The following EML5 variants were observed in gnomAD, a reference collection of about 807,000 sequenced individuals.
The protein encoded by EML5 is EMAP like 5.
Under a neutral mutation model 250.0 loss-of-function variants are expected in EML5, and 120 were observed. The observed-to-expected ratio is 0.48, with a 90% CI of 0.41 to 0.56. The LOEUF (loss-of-function observed/expected upper bound fraction) is 0.56. Among genes scored for constraint, EML5 ranks in the 20% least tolerant of loss-of-function variants. The pLI is 0.00. For synonymous variants in EML5, 771 were observed against 806.5 expected (o/e 0.96, Z 0.75); for missense variants, 2,006 against 2,437.6 (o/e 0.82, Z 3.73).
At chr14:88,622,861 C>A in intron 36 of EML5, 143 bp from the exon 37 acceptor site, 1 of 511,472 alleles carries the variant, frequency 2.0e-6, no homozygotes, top group South Asian at 4.4e-5. Context: ...TTCTTGTAAA[C>A]TTTCTATGGC....
At chr14:88,635,527 A>G (rs1175356062) in intron 32 of EML5, among the ~76,000 whole-genome samples, 1 of 152,194 alleles carries the variant, frequency 6.6e-6, no homozygotes, top group East Asian at 1.9e-4. Flanking sequence ...ATCGGCCTAA[A>G]TATTTTAAAG....
chr14:88,700,164 T>A (rs760962151), intron 14 of EML5, among the ~76,000 whole-genome samples: 2 of 152,224 alleles, frequency 1.3e-5, no homozygotes. Flanking sequence ...CAATTAGTCA[T>A]GTTATTCGAC....
At chr14:88,728,034 G>C (rs2093693513) in intron 7 of EML5, among the ~76,000 whole-genome samples, 17 of 152,298 alleles carry the variant, frequency 1.1e-4, no homozygotes, top group Admixed American at 9.8e-4. Flanking sequence ...ATCAAAACTT[G>C]TGAAATATAG....
chr14:88,752,958 C>A (rs560246440), intron 2 of EML5, among the ~76,000 whole-genome samples: 3 of 152,288 alleles, frequency 2.0e-5, no homozygotes, highest in Admixed American at 2.0e-4. Context: ...TAAAATCCTC[C>A]ATATACACCA....
intron 14 of EML5, among the ~76,000 whole-genome samples, chr14:88,697,556 T>C (rs1044906234): frequency 4.6e-5 from 7 of 152,198 alleles, no homozygotes; most frequent in Non-Finnish European, 1.0e-4. Context: ...TTTTTTAACT[T>C]GGTTTATGAT....
At chr14:88,762,948 C>A (rs776091533) in intron 1 of EML5, among the ~76,000 whole-genome samples, 6 of 152,112 alleles carry the variant, frequency 3.9e-5, no homozygotes, top group African/African-American at 9.7e-5. Context: ...GAAATACGTT[C>A]TTTGAAACCA....
chr14:88,641,871 T>C (rs1007151050), intron 31 of EML5, among the ~76,000 whole-genome samples: 1 of 152,186 alleles, frequency 6.6e-6, no homozygotes, highest in African/African-American at 2.4e-5. Flanking sequence ...AGTATAAACA[T>C]GAGAGTTTAC....
chr14:88,696,782 G>T, intron 15 of EML5, 65 bp downstream of exon 15: 1 of 1,153,638 alleles, frequency 8.7e-7, no homozygotes, highest in Non-Finnish European at 1.2e-6. Context: ...CACTGACTTA[G>T]ATTAAAATGC....
At chr14:88,674,076 C>A (rs1296741603) in intron 21 of EML5, among the ~76,000 whole-genome samples, 1 of 152,158 alleles carries the variant, frequency 6.6e-6, no homozygotes, top group Non-Finnish European at 1.5e-5. Flanking sequence ...CAAGACCAGC[C>A]TGGCCAACAT....
At chr14:88,632,981 C>T (rs79833387) in intron 33 of EML5, among the ~76,000 whole-genome samples, 1,615 of 152,220 alleles carry the variant, frequency 0.011, 29 homozygotes, top group African/African-American at 0.037. Flanking sequence ...CTAGATGCTC[C>T]GGATTCCACC....
At position 88,694,332 on chromosome 14, in the gene EML5, T is replaced by G; in HGVS notation, c.2514A>C (p.Lys838Asn). The G allele has an allele frequency of 6.3e-7, 1 of 1,590,688 alleles. No individual in the cohort carries two copies. Reference protein sequence around the residue: ...VPDKLITAGIKHMKFWRKAGG... With the variant: ...VPDKLITAGINHMKFWRKAGG... ...CTGCTTTACGCCAAAATTTCATGTGTTTAATTCCAGCTGTAATTAGTTTAT... is the reference window on the plus strand; with the variant it reads ...CTGCTTTACGCCAAAATTTCATGTGGTTAATTCCAGCTGTAATTAGTTTAT... Residue 838 changes from lysine (K) to asparagine (N), a missense_variant, in exon 17 of 44, where the codon AAA (lysine) becomes AAC (asparagine). Lys to Asn is a moderately conservative substitution (Grantham distance 94). Around this residue, in one of 7 missense-constraint regions of EML5, gnomAD observed 1,375 missense variants for 1,590.3 expected, o/e 0.86. Coordinates refer to ENST00000554922, the MANE Select transcript of EML5 (RefSeq NM_183387.3).
chr14:88,776,355 A>C (rs2094446942), intron 1 of EML5, among the ~76,000 whole-genome samples: 1 of 152,170 alleles, frequency 6.6e-6, no homozygotes. Flanking sequence ...AAGAAACTCA[A>C]AGAAATTGAA....
At chr14:88,720,509 A>C (rs1303805492) in intron 8 of EML5, among the ~76,000 whole-genome samples, 1 of 152,196 alleles carries the variant, frequency 6.6e-6, no homozygotes, top group Non-Finnish European at 1.5e-5. Flanking sequence ...TCATCACATA[A>C]GATCTAAAAA....
chr14:88,744,813 C>T (rs1483350015), intron 3 of EML5, among the ~76,000 whole-genome samples: 1 of 151,972 alleles, frequency 6.6e-6, no homozygotes, highest in Non-Finnish European at 1.5e-5. Flanking sequence ...CAACCTACCT[C>T]TAAAAGGTTT....
intron 7 of EML5, among the ~76,000 whole-genome samples, chr14:88,732,568 T>A (rs541773230): frequency 6.6e-6 from 1 of 152,202 alleles, no homozygotes; most frequent in Non-Finnish European, 1.5e-5. Context: ...TGATTCCATA[T>A]GAACTTTAGT....
rs186378063 is a variant in EML5, at chr14:88,761,268, G to T, written c.198-6597C>A. Among the ~76,000 whole-genome samples, 198 of 152,044 alleles carry T rather than the reference G, an allele frequency of 1.3e-3. 1 individual carries two copies. The highest frequency in any genetic ancestry group is 4.6e-3 in the African/African-American group (192 of 41,462). On this transcript the variant is annotated intron_variant, in intron 1 of 43. Coordinates refer to ENST00000554922, the MANE Select transcript of EML5 (RefSeq NM_183387.3). ...GCAGAACGTGCAGGTTTGTTGCATAGGTATACATGTGTCATGGTGGTTTGC... is the reference window on the plus strand; with the variant it reads ...GCAGAACGTGCAGGTTTGTTGCATATGTATACATGTGTCATGGTGGTTTGC...
At chr14:88,676,907 T>C (rs763427841) in intron 21 of EML5, among the ~76,000 whole-genome samples, 18 of 152,060 alleles carry the variant, frequency 1.2e-4, no homozygotes, top group Non-Finnish European at 8.8e-5. Flanking sequence ...TTTATTTGTT[T>C]GTTTGTATTT....
chr14:88,724,736 T>C (rs2093641382), intron 8 of EML5, among the ~76,000 whole-genome samples: 1 of 152,234 alleles, frequency 6.6e-6, no homozygotes, highest in Non-Finnish European at 1.5e-5. Flanking sequence ...TGATCATGAA[T>C]ATTAATTATT....
chr14:88,733,739 A>T (rs1208057869), intron 7 of EML5, among the ~76,000 whole-genome samples: 1 of 152,206 alleles, frequency 6.6e-6, no homozygotes, highest in East Asian at 1.9e-4. Flanking sequence ...CATAAAAAAC[A>T]TCAGTAATTA....
Sources: allele counts gnomAD v4.1 joint callset (sites outside exome capture counted in the v4.1 genomes callset), GRCh38; gene constraint gnomAD v4.1.1; regional missense constraint gnomAD v4.1.1; transcripts MANE v1.5; gene names NCBI Gene and HGNC (gene_info 2026-07-23, HGNC 2026-07-21).